Variants in FBXO31 observed in about 807,000 individuals in gnomAD.
The protein encoded by FBXO31 is F-box protein 31.
In FBXO31, 24 loss-of-function variants were observed where a neutral mutation model predicts 54.4. The observed-to-expected ratio is 0.44, with a 90% CI of 0.32 to 0.62. The LOEUF (loss-of-function observed/expected upper bound fraction) is 0.62. Ranked by LOEUF, FBXO31 falls within the 20% of genes least tolerant of loss-of-function variation. The pLI is 0.05. For synonymous variants in FBXO31, 388 were observed against 335.6 expected, an observed-to-expected ratio of 1.16 and a Z score of -1.71; for missense variants, 665 against 787.1, an observed-to-expected ratio of 0.84 and a Z score of 1.86.
intron 1 of FBXO31, among the ~76,000 whole-genome samples, chr16:87,378,376 T>G (rs1052279609): frequency 6.6e-6 from 1 of 152,190 alleles, no homozygotes; most frequent in African/African-American, 2.4e-5. Flanking sequence ...GTGAATAAAA[T>G]TCACCCAAAT....
At chr16:87,359,400 T>C (rs1249512197) in intron 2 of FBXO31, among the ~76,000 whole-genome samples, 2 of 152,130 alleles carry the variant, frequency 1.3e-5, no homozygotes, top group Admixed American at 1.3e-4. Context: ...GGAGCATCCA[T>C]GTGTACACTC....
intron 1 of FBXO31, chr16:87,362,523 T>C (rs149967069): frequency 0.021 from 3,236 of 151,988 alleles, 71 homozygotes; most frequent in Non-Finnish European, 0.031. Flanking sequence ...GGCTGTAGTA[T>C]AGTGGCTACA....
intron 4 of FBXO31, 75 bp from the exon 5 acceptor site, chr16:87,343,026 G>A (rs544427057): frequency 1.1e-4 from 152 of 1,326,554 alleles, no homozygotes; most frequent in Middle Eastern, 1.9e-4. Context: ...CCCCAGGCAG[G>A]TGGCCACGAC....
chr16:87,386,358 G>T (rs761206441), upstream of FBXO31, among the ~76,000 whole-genome samples: 2 of 152,242 alleles, frequency 1.3e-5, no homozygotes, highest in African/African-American at 4.8e-5. Context: ...GCCAACTCAG[G>T]CTTCAGTGAG....
At chr16:87,334,756 C>T (rs1904990378) in intron 7 of FBXO31, among the ~76,000 whole-genome samples, 1 of 152,244 alleles carries the variant, frequency 6.6e-6, no homozygotes, top group Non-Finnish European at 1.5e-5. Context: ...CGCTGTCTGC[C>T]AGGATCCCCA....
chr16:87,337,336 T>C (rs969355116), intron 5 of FBXO31, among the ~76,000 whole-genome samples: 2 of 152,218 alleles, frequency 1.3e-5, no homozygotes, highest in African/African-American at 2.4e-5. Flanking sequence ...GGGACCCATC[T>C]TGGCCTCATT....
At chr16:87,385,606 G>C (rs1441363382), upstream of FBXO31, among the ~76,000 whole-genome samples, 1 of 152,194 alleles carries the variant, frequency 6.6e-6, no homozygotes, top group African/African-American at 2.4e-5. Context: ...TTATAGCAGA[G>C]ACCAGACTTT....
chr16:87,372,034 G>C (rs577008508), intron 1 of FBXO31, among the ~76,000 whole-genome samples: 2 of 152,052 alleles, frequency 1.3e-5, no homozygotes, highest in Non-Finnish European at 2.9e-5. Flanking sequence ...GACCAGTCTG[G>C]ACAACATGGC....
At chr16:87,388,456 C>T (rs147643963), upstream of FBXO31, among the ~76,000 whole-genome samples, 315 of 152,332 alleles carry the variant, frequency 2.1e-3, 9 homozygotes, top group Non-Finnish European at 4.6e-4. Context: ...GACACTGGGC[C>T]TATAGTGGTG....
chr16:87,362,403 G>C (rs938872548), intron 1 of FBXO31: 10 of 151,148 alleles, frequency 6.6e-5, no homozygotes, highest in African/African-American at 2.2e-4. Context: ...TATTTATTTA[G>C]AAATGGAGTC....
intron 2 of FBXO31, among the ~76,000 whole-genome samples, chr16:87,349,871 T>G (rs1243540240): frequency 6.6e-6 from 1 of 150,918 alleles, no homozygotes; most frequent in Non-Finnish European, 1.5e-5. Flanking sequence ...ATCGTGCCAC[T>G]GCACTCCAGC....
At chr16:87,366,173 T>C (rs1047282094) in intron 1 of FBXO31, among the ~76,000 whole-genome samples, 5 of 152,124 alleles carry the variant, frequency 3.3e-5, no homozygotes, top group Admixed American at 6.5e-5. Context: ...GAAAAGGATG[T>C]GAGTGAAAAC....
chr16:87,342,708 C>T (rs772728277), intron 5 of FBXO31, among the ~76,000 whole-genome samples, 169 bp downstream of exon 5: 20 of 152,338 alleles, frequency 1.3e-4, no homozygotes, highest in Middle Eastern at 3.4e-3. Context: ...TGCTGTTCCT[C>T]GAGTGTGCCG....
rs982843935 is a variant in FBXO31 at position 87,379,460 on chromosome 16, G to C, written c.340+3945C>G. On this transcript the variant is annotated intron_variant, in intron 1 of 8. Transcript: ENST00000311635. ...ACCAGGAACTGACCTTTGAACCTCAGCACATGATGTTCCCTGAAAGGGGAA... is the reference window on the plus strand; with the variant it reads ...ACCAGGAACTGACCTTTGAACCTCACCACATGATGTTCCCTGAAAGGGGAA... Among the ~76,000 whole-genome samples, 37 of 152,174 alleles carry C rather than the reference G, an allele frequency of 2.4e-4. 1 individual carries two copies. The highest frequency in any genetic ancestry group is 8.7e-4 in the African/African-American group (36 of 41,436).
rs1398086214 is a variant in FBXO31, at chr16:87,343,606, G to C, written c.649C>G (p.His217Asp). The C allele has an allele frequency of 6.2e-7, 1 of 1,607,790 alleles. No individual in the cohort carries two copies. Among genetic ancestry groups the C allele is most frequent in the Admixed American group, 1.7e-5 (1 of 59,092 alleles). Residue 217 changes from histidine to aspartate, a missense_variant, in exon 4 of 9, where the codon CAC (histidine) becomes GAC (aspartate). Around this residue, in one of 4 missense-constraint regions of FBXO31, gnomAD observed 234 missense variants for 346.8 expected, o/e 0.67. Transcript: ENST00000311635. ...MYGHKGPHHG[H>D]IQIVKKDEFS... ...CCCGCCGCTGCACACACCTGGATGTGGCCGTGGTGGGGCCCTTTGTGGCCG... is the reference window on the plus strand; with the variant it reads ...CCCGCCGCTGCACACACCTGGATGTCGCCGTGGTGGGGCCCTTTGTGGCCG...
At chr16:87,341,506 A>G (rs750230786) in intron 5 of FBXO31, among the ~76,000 whole-genome samples, 3 of 152,028 alleles carry the variant, frequency 2.0e-5, no homozygotes, top group Non-Finnish European at 2.9e-5. Flanking sequence ...AAATACAAAA[A>G]TTAGCCAGGC....
At chr16:87,363,977 A>C (rs1431169350) in intron 1 of FBXO31, among the ~76,000 whole-genome samples, 1 of 152,144 alleles carries the variant, frequency 6.6e-6, no homozygotes, top group East Asian at 1.9e-4. Flanking sequence ...TGGGAGGGGG[A>C]AGGGGAAAGA....
In FBXO31 at chr16:87,333,875, C is replaced by T. The variant is rs779521583; in HGVS notation, c.1397+11G>A. ...CCCACCTTCAGGCCCCAGTACCCGC[C>T]GCATCCTTACCACATCCTGCAGGTT... On this transcript the variant is annotated intron_variant, in intron 8 of 8. Transcript: ENST00000311635. 19 of 1,587,576 alleles carry T rather than the reference C, an allele frequency of 1.2e-5. No homozygotes were observed. Among genetic ancestry groups the T allele is most frequent in the Admixed American group, 1.7e-5 (1 of 58,208 alleles).
At chr16:87,389,528 CCTT>C (rs1411682393) in intron 1 of FBXO31, 2 of 152,156 alleles carry the variant, frequency 1.3e-5, no homozygotes, top group Non-Finnish European at 2.9e-5. Context: ...CGATTTTTTC[CCTT>C]CTTCTTGCAT....
Sources: allele counts gnomAD v4.1 joint callset (sites outside exome capture counted in the v4.1 genomes callset), GRCh38; gene constraint gnomAD v4.1.1; regional missense constraint gnomAD v4.1.1; transcripts MANE v1.5; gene names NCBI Gene and HGNC (gene_info 2026-07-23, HGNC 2026-07-21).